The following CDH20 variants were observed in gnomAD, a reference collection of about 807,000 sequenced individuals.
CDH20 encodes cadherin 20, also known as cadherin-20.
CDH20 carries 29 observed loss-of-function variants against 74.2 expected under a neutral mutation model. That is an observed-to-expected ratio of 0.39 (90% CI 0.29 to 0.53). CDH20 has a LOEUF of 0.53. Among genes scored for constraint, CDH20 ranks in the 20% least tolerant of loss-of-function variants. The pLI is 0.69. For missense variants in CDH20, 988 were observed against 1,048.3 expected, an observed-to-expected ratio of 0.94 and a Z score of 0.79; for synonymous variants, 469 against 405.4, an observed-to-expected ratio of 1.16 and a Z score of -1.88.
In CDH20 at chr18:61,554,519, T is replaced by C; in HGVS notation, c.2230T>C (p.Ser744Pro). 1 of 1,612,926 alleles carries C rather than the reference T, an allele frequency of 6.2e-7. No individual in the cohort carries two copies. Among genetic ancestry groups the C allele is most frequent in the Non-Finnish European group, 8.5e-7 (1 of 1,179,824 alleles). ...DMDLWAPPFD[S>P]LQTYMFEGDG... is the part of the protein sequence containing the mutation. ...GGACCTGTGGGCACCGCCCTTCGAC[T>C]CCCTCCAGACGTATATGTTCGAGGG... The change falls in exon 12 of 12, where the codon TCC becomes CCC. Residue 744 changes from serine to proline, a missense_variant. By Grantham distance (74) the Ser-to-Pro change is moderately conservative. Transcript: ENST00000262717.
At chr18:61,436,048 T>C (rs544186733) in intron 1 of CDH20, among the ~76,000 whole-genome samples, 2 of 152,294 alleles carry the variant, frequency 1.3e-5, no homozygotes, top group East Asian at 3.9e-4. Context: ...GTCACTGTAA[T>C]TCTTAACGTA....
chr18:61,358,263 C>T (rs1280884921), intron 1 of CDH20, among the ~76,000 whole-genome samples: 9 of 151,552 alleles, frequency 5.9e-5, no homozygotes, highest in East Asian at 1.9e-4. Context: ...TACAGGCGCC[C>T]GCCACCACAC....
chr18:61,373,367 A>C (rs1367183186), intron 1 of CDH20, among the ~76,000 whole-genome samples: 1 of 151,966 alleles, frequency 6.6e-6, no homozygotes, highest in Non-Finnish European at 1.5e-5. Context: ...CCTATTCAAT[A>C]ATAGATTATA....
intron 1 of CDH20, among the ~76,000 whole-genome samples, chr18:61,486,363 T>C (rs1910763082): frequency 6.6e-6 from 1 of 152,192 alleles, no homozygotes; most frequent in African/African-American, 2.4e-5. Context: ...GGGAATATTA[T>C]TGTTTGTGAA....
chr18:61,409,517 C>T (rs112604234), intron 1 of CDH20, among the ~76,000 whole-genome samples: 173 of 152,252 alleles, frequency 1.1e-3, no homozygotes, highest in African/African-American at 4.1e-3. Context: ...AGCTCTGTGA[C>T]CTTAGGCAAG....
rs1323786627 is a variant in CDH20 at position 61,536,549 on chromosome 18, C to A, written c.1328C>A (p.Thr443Lys). The change falls in exon 8 of 12, where the codon ACA (threonine) becomes AAA (lysine). Residue 443 changes from threonine (T) to lysine (K), a missense_variant. By Grantham distance (78) the Thr-to-Lys change is moderately conservative (BLOSUM62 -1). This residue lies in a region of CDH20 where 613 missense variants were observed against 755.2 expected (regional missense o/e 0.81). Coordinates refer to ENST00000262717, the MANE Select transcript of CDH20 (RefSeq NM_031891.4). ...AGATTTTTCTATGTTGACATTACAA[C>A]AGGTGCCCTAATGACAGCAAGACCC... is the stretch of plus-strand genomic sequence containing the variant. ...PGRFFYVDITTGALMTARPLD... is the reference protein window; with the variant it reads ...PGRFFYVDITKGALMTARPLD... 2 of 1,613,046 alleles carry A rather than the reference C, an allele frequency of 1.2e-6. No individual in the cohort carries two copies. The highest frequency in any genetic ancestry group is 1.7e-6 in the Non-Finnish European group (2 of 1,179,126).
chr18:61,509,668 A>G (rs531360576), intron 6 of CDH20, among the ~76,000 whole-genome samples: 36 of 152,218 alleles, frequency 2.4e-4, no homozygotes, highest in Non-Finnish European at 4.8e-4. Flanking sequence ...GATGTATGAC[A>G]TGACTCGGTT....
intron 1 of CDH20, among the ~76,000 whole-genome samples, chr18:61,347,471 G>C (rs1458872249): frequency 6.6e-6 from 1 of 150,460 alleles, no homozygotes; most frequent in Non-Finnish European, 1.5e-5. Context: ...AGTGAGCCAA[G>C]ATCGTGCCAC....
intron 1 of CDH20, among the ~76,000 whole-genome samples, chr18:61,480,244 C>T (rs1023467422): frequency 6.6e-6 from 1 of 152,106 alleles, no homozygotes; most frequent in African/African-American, 2.4e-5. Context: ...GGTCATATCC[C>T]TTTAACTTAA....
At chr18:61,497,458 G>A (rs1911211553) in intron 2 of CDH20, among the ~76,000 whole-genome samples, 1 of 152,184 alleles carries the variant, frequency 6.6e-6, no homozygotes, top group South Asian at 2.1e-4. Flanking sequence ...GCGGCCTTCT[G>A]CAGCTTTTAC....
At chr18:61,362,492 C>A (rs953671120) in intron 1 of CDH20, among the ~76,000 whole-genome samples, 4 of 152,064 alleles carry the variant, frequency 2.6e-5, no homozygotes, top group Admixed American at 2.6e-4. Context: ...TACAAACAAA[C>A]AAAAATCCCA....
At chr18:61,531,377 G>T (rs188693365) in intron 7 of CDH20, among the ~76,000 whole-genome samples, 1 of 152,330 alleles carries the variant, frequency 6.6e-6, no homozygotes, top group East Asian at 1.9e-4. Flanking sequence ...CATGCCTGCA[G>T]CCTGGAGAGC....
intron 10 of CDH20, among the ~76,000 whole-genome samples, chr18:61,547,848 C>T (rs1483269276): frequency 6.6e-6 from 1 of 152,130 alleles, no homozygotes; most frequent in Admixed American, 6.6e-5. Context: ...TGCCAGGCCC[C>T]TTCCAGCACT....
intron 1 of CDH20, among the ~76,000 whole-genome samples, chr18:61,479,123 A>T (rs923214357): frequency 6.6e-6 from 1 of 152,022 alleles, no homozygotes; most frequent in African/African-American, 2.4e-5. Flanking sequence ...TTTTCTATTT[A>T]ATTCCTTTAT....
intron 1 of CDH20, among the ~76,000 whole-genome samples, chr18:61,421,679 G>A (rs930752135): frequency 6.6e-6 from 1 of 151,980 alleles, no homozygotes; most frequent in Non-Finnish European, 1.5e-5. Flanking sequence ...TATTTGGGGT[G>A]GTAGATATAT....
chr18:61,498,168 G>T (rs11663329), intron 2 of CDH20, among the ~76,000 whole-genome samples: 2 of 151,956 alleles, frequency 1.3e-5, no homozygotes, highest in Non-Finnish European at 2.9e-5. Context: ...GGGAGGCCGA[G>T]GCAGGTAGAT....
At chr18:61,415,979 AATAATTGATG>A (rs1912669033) in intron 1 of CDH20, among the ~76,000 whole-genome samples, 1 of 152,070 alleles carries the variant, frequency 6.6e-6, no homozygotes, top group Admixed American at 6.5e-5. Flanking sequence ...CCTAATTGTT[AATAATTGATG>A]AGTAATGATG....
chr18:61,461,886 G>A (rs1039269335), intron 1 of CDH20, among the ~76,000 whole-genome samples: 10 of 152,108 alleles, frequency 6.6e-5, no homozygotes, highest in African/African-American at 2.2e-4. Context: ...ACTCCTATGC[G>A]AACGTCTGAT....
chr18:61,377,226 C>T (rs1218999708), intron 1 of CDH20, among the ~76,000 whole-genome samples: 1 of 152,064 alleles, frequency 6.6e-6, no homozygotes, highest in Non-Finnish European at 1.5e-5. Flanking sequence ...ACTTAGTACA[C>T]CCATTCACAT....
Sources: gnomAD v4.1 joint callset for allele counts (sites outside exome capture counted in the v4.1 genomes callset) on GRCh38, gnomAD v4.1.1 for gene constraint, gnomAD v4.1.1 regional missense constraint, MANE v1.5 for transcripts, NCBI Gene and HGNC (gene_info 2026-07-23, HGNC 2026-07-21) for gene names.